The following CAMK4 variants were observed in gnomAD, a reference collection of about 807,000 sequenced individuals.
The protein encoded by CAMK4 is calcium/calmodulin-dependent protein kinase type IV.
Under a neutral mutation model 44.9 loss-of-function variants are expected in CAMK4, and 22 were observed. The observed-to-expected ratio is 0.49, with a 90% confidence interval of 0.35 to 0.70. The LOEUF is 0.70. Among genes scored for constraint, CAMK4 ranks in the 30% least tolerant of loss-of-function variants. The probability of loss-of-function intolerance (pLI) is 0.01; values close to 1 mark genes in which losing one functional copy is unlikely to be tolerated. For missense variants in CAMK4, 498 were observed against 586.8 expected, an observed-to-expected ratio of 0.85 and a Z score of 1.56; for synonymous variants, 218 against 215.4, an observed-to-expected ratio of 1.01 and a Z score of -0.11.
intron 1 of CAMK4, among the ~76,000 whole-genome samples, chr5:111,300,365 T>G (rs572861408): frequency 6.6e-6 from 1 of 152,350 alleles, no homozygotes; most frequent in Admixed American, 6.5e-5. Context: ...GGAGTAGGAC[T>G]TGCCTCTTCC....
At chr5:111,263,420 G>A (rs1397019848) in intron 1 of CAMK4, among the ~76,000 whole-genome samples, 3 of 152,278 alleles carry the variant, frequency 2.0e-5, no homozygotes, top group Non-Finnish European at 2.9e-5. Context: ...AGCTCTTTGG[G>A]AAATACTGTT....
chr5:111,451,457 G>C (rs1372859268), intron 7 of CAMK4, among the ~76,000 whole-genome samples: 1 of 151,880 alleles, frequency 6.6e-6, no homozygotes, highest in African/African-American at 2.4e-5. Flanking sequence ...CAGCTAATTT[G>C]TTGTATTTTT....
At chr5:111,408,116 A>G (rs971129182) in intron 5 of CAMK4, among the ~76,000 whole-genome samples, 12 of 149,274 alleles carry the variant, frequency 8.0e-5, no homozygotes. Context: ...CAAAGAAAGA[A>G]AGAGAGAGAG....
intron 5 of CAMK4, among the ~76,000 whole-genome samples, chr5:111,414,235 C>G (rs1752732123): frequency 6.6e-6 from 1 of 152,178 alleles, no homozygotes; most frequent in South Asian, 2.1e-4. Flanking sequence ...AGAGTATTGC[C>G]TGATGCTATC....
chr5:111,456,315 C>A (rs530397585), intron 7 of CAMK4, among the ~76,000 whole-genome samples: 2 of 152,090 alleles, frequency 1.3e-5, no homozygotes, highest in East Asian at 3.9e-4. Context: ...TCCTGGCTAA[C>A]CCCGTCTCTT....
chr5:111,280,240 A>C (rs1218570157), intron 1 of CAMK4, among the ~76,000 whole-genome samples: 2 of 151,670 alleles, frequency 1.3e-5, no homozygotes, highest in African/African-American at 4.8e-5. Flanking sequence ...AATTAGAAAA[A>C]TATCAGGCTA....
chr5:111,224,299 C>T, upstream of CAMK4: 1 of 838,902 alleles, frequency 1.2e-6, no homozygotes, highest in Non-Finnish European at 1.6e-6. The surrounding 1 kb of genome is among the most constrained non-coding windows in gnomAD (Gnocchi z 5.7). Context: ...CGCCCTCTCG[C>T]AGAGGCTCGC....
intron 2 of CAMK4, among the ~76,000 whole-genome samples, chr5:111,371,509 G>T (rs1421816771): frequency 3.3e-5 from 5 of 152,234 alleles, no homozygotes; most frequent in African/African-American, 1.2e-4. Flanking sequence ...ACTTTAGGAA[G>T]GACCATATTT....
intron 1 of CAMK4, among the ~76,000 whole-genome samples, chr5:111,243,123 C>T (rs138877628): frequency 2.6e-5 from 4 of 152,312 alleles, no homozygotes; most frequent in African/African-American, 7.2e-5. Flanking sequence ...AGATTTCACT[C>T]AGGACCATTG....
At chr5:111,265,209 T>C (rs1344115449) in intron 1 of CAMK4, among the ~76,000 whole-genome samples, 3 of 152,184 alleles carry the variant, frequency 2.0e-5, no homozygotes, top group Non-Finnish European at 4.4e-5. Context: ...ATATGCTTCA[T>C]AAGTATTTCA....
chr5:111,473,039 T>C (rs1220182099), intron 7 of CAMK4, among the ~76,000 whole-genome samples: 2 of 152,230 alleles, frequency 1.3e-5, no homozygotes, highest in African/African-American at 4.8e-5. Context: ...TACAGCTCTA[T>C]CTACTTGATT....
chr5:111,360,871 A>C (rs1421383174), intron 2 of CAMK4, among the ~76,000 whole-genome samples: 2 of 152,062 alleles, frequency 1.3e-5, no homozygotes, highest in Non-Finnish European at 2.9e-5. Context: ...CTGACAAAGA[A>C]ATTTTTTTTA....
chr5:111,415,830 A>G (rs1304567199), intron 5 of CAMK4, among the ~76,000 whole-genome samples: 1 of 152,234 alleles, frequency 6.6e-6, no homozygotes, highest in East Asian at 1.9e-4. Context: ...AAAAAATAAT[A>G]AAGAATAACA....
At chr5:111,398,924 A>C (rs1372644755) in intron 5 of CAMK4, among the ~76,000 whole-genome samples, 3 of 152,152 alleles carry the variant, frequency 2.0e-5, no homozygotes. Context: ...CTTCATCTGC[A>C]CTAACCCATT....
At chr5:111,270,761 G>A (rs890403118) in intron 1 of CAMK4, among the ~76,000 whole-genome samples, 5 of 152,136 alleles carry the variant, frequency 3.3e-5, no homozygotes, top group Non-Finnish European at 2.9e-5. Context: ...TCTTTACCAT[G>A]TATTTCTGAG....
At position 111,293,017 on chromosome 5, in the gene CAMK4, G is replaced by T. The variant is rs113308536; in HGVS notation, c.162-51007G>T. ...ATGTGCCTGCCTTTAAAAGTGGGCA[G>T]GCTTCCTGTATTTGAGATAATTTTA... On this transcript the variant is annotated intron_variant, in intron 1 of 10. Coordinates refer to ENST00000282356, the MANE Select transcript of CAMK4 (RefSeq NM_001744.6). Among the ~76,000 whole-genome samples the T allele has an allele frequency of 4.9e-3, 743 of 152,318 alleles. 9 individuals carry two copies. Among genetic ancestry groups the T allele is most frequent in the Middle Eastern group, 6.8e-3 (2 of 294 alleles).
intron 9 of CAMK4, among the ~76,000 whole-genome samples, 171 bp downstream of exon 9, chr5:111,478,678 A>C (rs1375709351): frequency 1.3e-5 from 2 of 152,182 alleles, no homozygotes; most frequent in Non-Finnish European, 2.9e-5. Context: ...GAGAATAAAA[A>C]CTAGATATGT....
chr5:111,428,849 A>T (rs1468574577), intron 5 of CAMK4, among the ~76,000 whole-genome samples: 1 of 152,238 alleles, frequency 6.6e-6, no homozygotes, highest in Non-Finnish European at 1.5e-5. Flanking sequence ...AAGTACAAGG[A>T]GGTTATAGAA....
intron 2 of CAMK4, among the ~76,000 whole-genome samples, chr5:111,356,430 A>G (rs1205002601): frequency 6.6e-6 from 1 of 152,182 alleles, no homozygotes; most frequent in Non-Finnish European, 1.5e-5. Flanking sequence ...TAGGTTGCGG[A>G]AATTTTCTCC....
Sources: gnomAD v4.1 joint callset for allele counts (sites outside exome capture counted in the v4.1 genomes callset) on GRCh38, gnomAD v4.1.1 for gene constraint, Gnocchi (gnomAD v3.1) non-coding constraint, MANE v1.5 for transcripts, NCBI Gene and HGNC (gene_info 2026-07-23, HGNC 2026-07-21) for gene names.